The following CPT1A variants were observed in gnomAD, a reference collection of about 807,000 sequenced individuals.
CPT1A encodes carnitine palmitoyltransferase 1A.
In CPT1A, 64 loss-of-function variants were observed where a neutral mutation model predicts 100.8. That is an observed-to-expected ratio of 0.63 (90% CI 0.52 to 0.78). CPT1A has a LOEUF of 0.78. CPT1A is among the 30% of genes least tolerant of loss of function. CPT1A has a pLI of 0.00. For synonymous variants in CPT1A, 363 were observed against 396.0 expected (o/e 0.92, Z 0.99); for missense variants, 802 against 1,034.1 (o/e 0.78, Z 3.08).
rs61731903 is a variant in CPT1A, at chr11:68,807,618, G to A, written c.302C>T (p.Thr101Met). The change falls in exon 4 of 19, where the codon ACG becomes ATG. Residue 101 changes from threonine to methionine, a missense_variant. Thr to Met is a moderately conservative substitution (Grantham distance 81). This residue lies in a region of CPT1A where 161 missense variants were observed against 183.7 expected (regional missense o/e 0.88). Coordinates refer to ENST00000265641, the MANE Select transcript of CPT1A (RefSeq NM_001876.4). ...CAGCACGCCGCTGACCACGTTCTTC[G>A]TCTGGCTGGACATGCAGTTGCTGTG... is the stretch of plus-strand genomic sequence containing the variant. The part of the protein sequence containing the change: ...LETANCMSSQ[T>M]KNVVSGVLFG... 9.8e-4 allele frequency: 1,589 copies of A among 1,614,054 alleles called. 6 individuals carry two copies. Among genetic ancestry groups the A allele is most frequent in the Middle Eastern group, 7.1e-3 (43 of 6,062 alleles).
At chr11:68,831,224 A>G (rs574639193) in intron 1 of CPT1A, among the ~76,000 whole-genome samples, 13 of 152,200 alleles carry the variant, frequency 8.5e-5, no homozygotes, top group Non-Finnish European at 1.5e-4. Flanking sequence ...CATGTAATCA[A>G]GAAGACACTC....
intron 12 of CPT1A, among the ~76,000 whole-genome samples, chr11:68,775,904 TCA>T (rs1457398876): frequency 6.6e-6 from 1 of 152,260 alleles, no homozygotes. Context: ...GAATAGATGC[TCA>T]CACAAAAACT....
rs557014887 is a variant in CPT1A, at chr11:68,757,112, C to T, written c.*532G>A. ...CACAGGCTACTGGACCAGACGGGAA[C>T]GGTTACCCACGGTGACAAAAGCAGG... On this transcript the variant is annotated 3_prime_UTR_variant, in exon 19 of 19. Coordinates refer to ENST00000265641, the MANE Select transcript of CPT1A (RefSeq NM_001876.4). 3.8e-5 allele frequency: 7 copies of T among 184,040 alleles called. No homozygotes were observed. Among genetic ancestry groups the T allele is most frequent in the Admixed American group, 3.3e-4 (6 of 18,132 alleles). 11.4% of individuals were successfully genotyped at this position (184,040 alleles called of 1,614,324 possible). A position where few individuals can be genotyped will look rare whatever the true frequency, so the allele number is the denominator to read the frequency against.
intron 4 of CPT1A, among the ~76,000 whole-genome samples, chr11:68,804,654 C>T (rs980599582): frequency 2.0e-5 from 3 of 152,196 alleles, no homozygotes; most frequent in Non-Finnish European, 2.9e-5. Context: ...TGACAGAGGC[C>T]GTGAGATGTC....
rs756547937 is a variant in CPT1A at position 68,754,899 on chromosome 11, T to G, written c.*2745A>C. ...AAACAAATCTTGTAGTAGACTGGGG[T>G]TAATGTTTTATTAATGATAACCTAC... On this transcript the variant is annotated 3_prime_UTR_variant, in exon 19 of 19. Coordinates refer to ENST00000265641, the MANE Select transcript of CPT1A (RefSeq NM_001876.4). 1 of 776,566 alleles carries G rather than the reference T, an allele frequency of 1.3e-6. No individual in the cohort carries two copies. Among genetic ancestry groups the G allele is most frequent in the Non-Finnish European group, 2.4e-6 (1 of 415,138 alleles). 48.1% of individuals were successfully genotyped at this position (776,566 alleles called of 1,614,324 possible).
At chr11:68,834,930 C>T (rs906285652) in intron 1 of CPT1A, among the ~76,000 whole-genome samples, 4 of 149,420 alleles carry the variant, frequency 2.7e-5, no homozygotes, top group Non-Finnish European at 5.9e-5. Context: ...ACTGGGGAGG[C>T]GGAGGTTGCA....
chr11:68,838,746 T>C (rs1402148718), intron 1 of CPT1A, among the ~76,000 whole-genome samples: 1 of 151,950 alleles, frequency 6.6e-6, no homozygotes, highest in African/African-American at 2.4e-5. Context: ...ACTAATTGTT[T>C]GTAGAGACAG....
intron 14 of CPT1A, among the ~76,000 whole-genome samples, chr11:68,768,454 G>A (rs867936348): frequency 1.3e-5 from 2 of 151,754 alleles, no homozygotes; most frequent in Non-Finnish European, 2.9e-5. Context: ...TGCTCAGGTT[G>A]GAGTGCAGTG....
intron 6 of CPT1A, 67 bp from the exon 7 acceptor site, chr11:68,797,000 G>A: frequency 6.6e-7 from 1 of 1,512,440 alleles, no homozygotes; most frequent in Non-Finnish European, 9.1e-7. Context: ...CCTGGCAGCA[G>A]CCCAGAGCCG....
chr11:68,787,751 G>C (rs1225609662), intron 9 of CPT1A, among the ~76,000 whole-genome samples: 1 of 151,932 alleles, frequency 6.6e-6, no homozygotes, highest in Non-Finnish European at 1.5e-5. Flanking sequence ...AGGCCAGCCT[G>C]GCCTACATGG....
At chr11:68,818,851 CT>C (rs1566380707) in intron 1 of CPT1A, among the ~76,000 whole-genome samples, 1 of 76,698 alleles carries the variant, frequency 1.3e-5, no homozygotes, top group African/African-American at 3.5e-5. Flanking sequence ...GAGTGAGACC[CT>C]ATCTCAACAA....
chr11:68,789,071 A>G (rs1203906972), intron 9 of CPT1A, among the ~76,000 whole-genome samples: 6 of 152,256 alleles, frequency 3.9e-5, no homozygotes, highest in Admixed American at 2.0e-4. Flanking sequence ...TTTTGATACT[A>G]TAACGAAGTA....
In CPT1A at chr11:68,760,306, G is replaced by C. The variant is rs1269472669; in HGVS notation, c.2061C>G (p.Ser687Arg). The C allele has an allele frequency of 6.2e-7, 1 of 1,612,724 alleles. No homozygotes were observed. ...VLSEPWRLST[S>R]QTPQQQVELF... is the part of the protein sequence containing the mutation. Reference sequence around the variant, plus strand: ...GCTCCACTTGCTGCTGAGGGGTCTGGCTTGTTGATAATCTCCAAGGCTCAG... The same window carrying C: ...GCTCCACTTGCTGCTGAGGGGTCTGCCTTGTTGATAATCTCCAAGGCTCAG... The change falls in exon 17 of 19, where the codon AGC becomes AGG. Residue 687 changes from serine (S) to arginine (R), a missense_variant. Around this residue, in one of 4 missense-constraint regions of CPT1A, gnomAD observed 627 missense variants for 799.3 expected, o/e 0.78. Coordinates refer to ENST00000265641, the MANE Select transcript of CPT1A (RefSeq NM_001876.4).
rs895993368 is a variant in CPT1A, at chr11:68,815,572, G to A, written c.-13-85C>T. 5.2e-6 allele frequency: 7 copies of A among 1,346,968 alleles called. No homozygotes were observed. The East Asian group carries it at 1.6e-4, about 31-fold the overall frequency. The allele number at this position is 1,346,968 out of a possible 1,614,324, so 83.4% of individuals were successfully genotyped here. A position where few individuals can be genotyped will look rare whatever the true frequency, so the allele number is the denominator to read the frequency against. On this transcript the variant is annotated intron_variant, in intron 1 of 18. Transcript: ENST00000265641. Reference sequence around the variant, plus strand: ...CTCATACAGAAGTGCCATTCCTTCTGAACTTAAGTTCTTCCTCGCCACTTA... The same window carrying A: ...CTCATACAGAAGTGCCATTCCTTCTAAACTTAAGTTCTTCCTCGCCACTTA...
rs759465375 is a variant in CPT1A at position 68,762,639 on chromosome 11, G to T, written c.1863C>A (p.Asp621Glu). The T allele has an allele frequency of 1.4e-5, 22 of 1,613,644 alleles. No homozygotes were observed. The highest frequency in any genetic ancestry group is 1.9e-5 in the Non-Finnish European group (22 of 1,180,036). Reference sequence around the variant, plus strand: ...GATGGCACATTACCGTCTGGGCCGGGTCCACCATGGCCCGCACGAAGTCGC... The same window carrying T: ...GATGGCACATTACCGTCTGGGCCGGTTCCACCATGGCCCGCACGAAGTCGC... The part of the protein sequence containing the change: ...ESCDFVRAMV[D>E]PAQTVEQRLK... The change falls in exon 15 of 19, where the codon GAC becomes GAA. Residue 621 changes from aspartate (D) to glutamate (E), a missense_variant. By Grantham distance (45) the Asp-to-Glu change is conservative. Around this residue, in one of 4 missense-constraint regions of CPT1A, gnomAD observed 627 missense variants for 799.3 expected, o/e 0.78. Coordinates refer to ENST00000265641, the MANE Select transcript of CPT1A (RefSeq NM_001876.4).
chr11:68,829,213 C>G (rs1856820086), intron 1 of CPT1A, among the ~76,000 whole-genome samples: 1 of 152,150 alleles, frequency 6.6e-6, no homozygotes, highest in Non-Finnish European at 1.5e-5. Context: ...CGTGTCCCAC[C>G]AGCAACACGT....
intron 1 of CPT1A, among the ~76,000 whole-genome samples, chr11:68,825,764 G>A (rs1240730893): frequency 2.0e-5 from 3 of 150,472 alleles, no homozygotes; most frequent in East Asian, 2.0e-4. Context: ...CCTGGCCCAC[G>A]CAGGGACTTC....
At chr11:68,836,439 C>T (rs1857011862) in intron 1 of CPT1A, among the ~76,000 whole-genome samples, 1 of 151,958 alleles carries the variant, frequency 6.6e-6, no homozygotes, top group Non-Finnish European at 1.5e-5. Context: ...GGCACCACGG[C>T]ACTGCACTCC....
At chr11:68,822,596 A>T (rs533214575) in intron 1 of CPT1A, among the ~76,000 whole-genome samples, 2 of 152,146 alleles carry the variant, frequency 1.3e-5, no homozygotes, top group Non-Finnish European at 2.9e-5. Context: ...CCATTTCTAC[A>T]TATATACCCA....
Sources: allele counts gnomAD v4.1 joint callset (sites outside exome capture counted in the v4.1 genomes callset), GRCh38; gene constraint gnomAD v4.1.1; regional missense constraint gnomAD v4.1.1; transcripts MANE v1.5; gene names NCBI Gene and HGNC (gene_info 2026-07-23, HGNC 2026-07-21).